BABAM2: variants seen among roughly 807,000 people sequenced by gnomAD.
BABAM2 encodes the protein BRISC and BRCA1-A complex member 2.
Under a neutral mutation model 54.7 loss-of-function variants are expected in BABAM2, and 31 were observed. The observed-to-expected ratio is 0.57, with a 90% CI of 0.43 to 0.77. The LOEUF (loss-of-function observed/expected upper bound fraction) is 0.77, where lower values mean the gene tolerates loss of function less well. BABAM2 is among the 30% of genes least tolerant of loss of function. BABAM2 has a pLI of 0.00. For missense variants in BABAM2, 364 were observed against 455.8 expected, an observed-to-expected ratio of 0.80 and a Z score of 1.83; for synonymous variants, 167 against 162.9, an observed-to-expected ratio of 1.03 and a Z score of -0.19.
intron 6 of BABAM2, among the ~76,000 whole-genome samples, chr2:28,066,534 T>C (rs747989956): frequency 1.3e-5 from 2 of 152,200 alleles, no homozygotes; most frequent in Non-Finnish European, 2.9e-5. Context: ...TTTTTCTGGC[T>C]TAGGAATTTG....
chr2:28,000,441 C>T (rs937137612), intron 4 of BABAM2, among the ~76,000 whole-genome samples: 5 of 152,126 alleles, frequency 3.3e-5, no homozygotes, highest in African/African-American at 1.2e-4. Flanking sequence ...AATCCATTTT[C>T]ATCACATATC....
chr2:27,932,596 A>G (rs1475577286), intron 3 of BABAM2, among the ~76,000 whole-genome samples: 1 of 152,092 alleles, frequency 6.6e-6, no homozygotes, highest in East Asian at 1.9e-4. Context: ...GCTCTCCTCA[A>G]ATAGTTTGTT....
chr2:28,211,614 C>G (rs1320479708), intron 7 of BABAM2, among the ~76,000 whole-genome samples: 25 of 152,040 alleles, frequency 1.6e-4, no homozygotes, highest in Non-Finnish European at 7.4e-5. Flanking sequence ...GTCTTGAACT[C>G]CTGACCTCAG....
intron 10 of BABAM2, among the ~76,000 whole-genome samples, chr2:28,250,921 G>GA (rs1203458563): frequency 6.6e-6 from 1 of 152,032 alleles, no homozygotes; most frequent in Non-Finnish European, 1.5e-5. Flanking sequence ...TTTTAAAAGA[G>GA]AAAAAAAGTT....
chr2:28,034,432 A>T (rs1676514193), intron 5 of BABAM2, among the ~76,000 whole-genome samples: 1 of 152,192 alleles, frequency 6.6e-6, no homozygotes, highest in Admixed American at 6.5e-5. Flanking sequence ...TATTACTATT[A>T]GCTTTTTTTG....
intron 2 of BABAM2, among the ~76,000 whole-genome samples, chr2:27,895,845 GTTAT>G: frequency 6.6e-6 from 1 of 151,988 alleles, no homozygotes. Context: ...TTCTCCTTCA[GTTAT>G]TTATTTATTC....
intron 7 of BABAM2, among the ~76,000 whole-genome samples, chr2:28,235,108 G>C (rs1184937379): frequency 6.6e-6 from 1 of 152,156 alleles, no homozygotes; most frequent in Non-Finnish European, 1.5e-5. Flanking sequence ...ACTCCACATT[G>C]ACTTCCTTGT....
At chr2:28,270,568 G>A (rs557175212) in intron 10 of BABAM2, among the ~76,000 whole-genome samples, 23 of 152,328 alleles carry the variant, frequency 1.5e-4, no homozygotes, top group African/African-American at 3.8e-4. Context: ...GCTATTGGTC[G>A]TGTATTTGAC....
intron 7 of BABAM2, among the ~76,000 whole-genome samples, chr2:28,176,942 G>A (rs1675071135): frequency 6.6e-6 from 1 of 151,832 alleles, no homozygotes. Flanking sequence ...AATTTTGAGT[G>A]TTCCAGAAGG....
At chr2:27,979,253 C>T (rs564337722) in intron 3 of BABAM2, among the ~76,000 whole-genome samples, 20 of 151,952 alleles carry the variant, frequency 1.3e-4, no homozygotes, top group Non-Finnish European at 2.5e-4. Flanking sequence ...AGGCTGGTCT[C>T]GAACTCCTCA....
chr2:28,310,500 G>C, intron 11 of BABAM2: 2 of 206,348 alleles, frequency 9.7e-6, no homozygotes, highest in Non-Finnish European at 2.0e-5. Context: ...TGCTTTCTCA[G>C]TGGAAAACAG....
chr2:27,911,464 G>A (rs1666590128), intron 2 of BABAM2, among the ~76,000 whole-genome samples: 1 of 152,002 alleles, frequency 6.6e-6, no homozygotes, highest in African/African-American at 2.4e-5. Flanking sequence ...AAGGAAGACA[G>A]AGAAAGGACA....
At chr2:28,260,630 T>G (rs1401007559) in intron 10 of BABAM2, among the ~76,000 whole-genome samples, 1 of 152,152 alleles carries the variant, frequency 6.6e-6, no homozygotes, top group East Asian at 1.9e-4. Flanking sequence ...TCAAAATCAT[T>G]TAGTCTTTTA....
At chr2:28,242,460 A>G (rs1231936075) in intron 9 of BABAM2, among the ~76,000 whole-genome samples, 1 of 152,220 alleles carries the variant, frequency 6.6e-6, no homozygotes, top group African/African-American at 2.4e-5. Context: ...GCTCAGTGAG[A>G]CAGGGAATGC....
chr2:27,955,271 C>T (rs1259020341), intron 3 of BABAM2, among the ~76,000 whole-genome samples: 1 of 152,148 alleles, frequency 6.6e-6, no homozygotes, highest in Admixed American at 6.5e-5. Flanking sequence ...CATAACTGCT[C>T]TCCTGTAAGT....
chr2:28,084,993 A>G (rs1477561530), intron 6 of BABAM2, among the ~76,000 whole-genome samples: 2 of 152,196 alleles, frequency 1.3e-5, no homozygotes, highest in Non-Finnish European at 2.9e-5. Flanking sequence ...AAAAAAACGG[A>G]AAGAAGACAG....
At chr2:27,991,053 T>C in intron 4 of BABAM2, among the ~76,000 whole-genome samples, 1 of 152,140 alleles carries the variant, frequency 6.6e-6, no homozygotes, top group Non-Finnish European at 1.5e-5. Context: ...ATCTCATAGA[T>C]AGCAAAGGTA....
chr2:28,255,146 G>A (rs1007555683), intron 10 of BABAM2, among the ~76,000 whole-genome samples: 4 of 150,844 alleles, frequency 2.7e-5, no homozygotes, highest in Admixed American at 1.3e-4. Flanking sequence ...TGTCTCAAAC[G>A]TGGGTTTTTT....
chr2:28,007,059 A>T (rs1240731569), intron 4 of BABAM2, among the ~76,000 whole-genome samples: 1 of 151,918 alleles, frequency 6.6e-6, no homozygotes. Context: ...GTTTGGAAGC[A>T]TTTAAGAGAC....
Sources: gnomAD v4.1 joint callset for allele counts (sites outside exome capture counted in the v4.1 genomes callset) on GRCh38, gnomAD v4.1.1 for gene constraint, MANE v1.5 for transcripts, NCBI Gene and HGNC (gene_info 2026-07-23, HGNC 2026-07-21) for gene names.